The following DPCD variants were observed in gnomAD, a reference collection of about 807,000 sequenced individuals.
DPCD encodes the protein protein DPCD.
In DPCD, 20 loss-of-function variants were observed where a neutral mutation model predicts 26.4. The ratio of observed to expected loss-of-function variants is 0.76; its 90% CI spans 0.53 to 1.10. The LOEUF (loss-of-function observed/expected upper bound fraction) is 1.10, where lower values mean the gene tolerates loss of function less well. Among genes scored for constraint, DPCD ranks in the 50% least tolerant of loss-of-function variants. The pLI is 0.00. For missense variants in DPCD, 202 were observed against 253.9 expected (o/e 0.80, Z 1.39); for synonymous variants, 97 against 94.2 (o/e 1.03, Z -0.17).
intron 1 of DPCD, among the ~76,000 whole-genome samples, chr10:101,591,332 G>A (rs994597341): frequency 6.6e-6 from 1 of 152,182 alleles, no homozygotes; most frequent in East Asian, 1.9e-4. Context: ...TTTGGTCACA[G>A]AAGTTTTTAA....
At position 101,609,299 on chromosome 10, in the gene DPCD, C is replaced by T. The variant is rs140872988; in HGVS notation, c.508-68C>T. The T allele has an allele frequency of 6.0e-5, 91 of 1,524,442 alleles. No homozygotes were observed. In the African/African-American group the frequency reaches 1.1e-3, roughly 19 times the overall value. 94.4% of individuals were successfully genotyped at this position (1,524,442 alleles called of 1,614,324 possible). ...TAAGGGGATCAGAAGGAGAAGGGGC[C>T]CCAAGTGTGTGTGGAAGGAGATGGG... On this transcript the variant is annotated intron_variant, in intron 5 of 5. Transcript: ENST00000370151.
In DPCD at chr10:101,609,184, G is replaced by T; in HGVS notation, c.508-183G>T. ...GGAAGCGGTGGAAATTGCTGAACTT[G>T]GGTTCTTCTGGTCCAAGGTCTGCTC... is the stretch of plus-strand genomic sequence containing the variant. On this transcript the variant is annotated intron_variant, in intron 5 of 5. Transcript: ENST00000370151. 1.4e-5 allele frequency: 9 copies of T among 660,860 alleles called. No homozygotes were observed. In the South Asian group the frequency reaches 1.7e-4, roughly 13 times the overall value. 40.9% of individuals were successfully genotyped at this position (660,860 alleles called of 1,614,324 possible). A position where few individuals can be genotyped will look rare whatever the true frequency, so the allele number is the denominator to read the frequency against.
rs375865718 is a variant in DPCD, at chr10:101,600,866, C to A, written c.270+4C>A. ...CATCAAGGAAAGCAATGCCAATGTA[C>A]GTCCATCTGTCCAGGTGTCTTGCAC... On this transcript the variant is annotated splice_donor_region_variant and intron_variant, in intron 3 of 5. Transcript: ENST00000370151. The surrounding 1 kb of genome is among the most constrained non-coding windows in gnomAD (Gnocchi z 4.7). The A allele has an allele frequency of 6.2e-7, 1 of 1,613,936 alleles. No individual in the cohort carries two copies. The highest frequency in any genetic ancestry group is 8.5e-7 in the Non-Finnish European group (1 of 1,179,984).
chr10:101,608,964 A>G (rs1337699213), intron 5 of DPCD, 27 bp downstream of exon 5: 1 of 1,558,246 alleles, frequency 6.4e-7, no homozygotes, highest in South Asian at 1.1e-5. Context: ...CTTCTTGGAC[A>G]CTGCATCAGG....
At chr10:101,595,761 T>C (rs1432752794) in intron 2 of DPCD, among the ~76,000 whole-genome samples, 2 of 152,210 alleles carry the variant, frequency 1.3e-5, no homozygotes, top group African/African-American at 2.4e-5. Flanking sequence ...GTTGGTTTAG[T>C]CTGGTGCTAT....
intron 4 of DPCD, chr10:101,605,170 T>G: frequency 6.4e-7 from 1 of 1,550,552 alleles, no homozygotes. Context: ...TCTGGACCCC[T>G]CTGGCCATGC....
At chr10:101,592,152 T>C (rs1282933780) in intron 1 of DPCD, among the ~76,000 whole-genome samples, 1 of 152,120 alleles carries the variant, frequency 6.6e-6, no homozygotes, top group Non-Finnish European at 1.5e-5. Context: ...CGAATAATCA[T>C]TGGGTAAGGG....
chr10:101,601,125 C>T (rs2063694493), intron 3 of DPCD, 78 bp from the exon 4 acceptor site: 1 of 1,587,474 alleles, frequency 6.3e-7, no homozygotes, highest in Non-Finnish European at 8.6e-7. Context: ...TCTTGTTGTG[C>T]CCCGGGGTAG....
Position 101,608,840 on chromosome 10 carries a change from A to G in DPCD, c.410A>G (p.Tyr137Cys), listed in dbSNP as rs200230925. 8 of 1,612,952 alleles carry G rather than the reference A, an allele frequency of 5.0e-6. No homozygotes were observed. Among genetic ancestry groups the G allele is most frequent in the Non-Finnish European group, 6.8e-6 (8 of 1,179,374 alleles). ...GCCTCTCGGTGTCCCCACAGGTACT[A>G]CAAGAAGTTCTCCATTCCTGATCTA... ...IIVRTTNKKY[Y>C]KKFSIPDLDR... The change falls in exon 5 of 6, where the codon TAC becomes TGC. Residue 137 changes from tyrosine (Y) to cysteine (C), a missense_variant. Physicochemically the swap from Tyr to Cys is radical, Grantham distance 194 (BLOSUM62 -2). Around this residue, in one of 3 missense-constraint regions of DPCD, gnomAD observed 118 missense variants for 145.1 expected, o/e 0.81. Coordinates refer to ENST00000370151, the MANE Select transcript of DPCD (RefSeq NM_015448.3).
intron 2 of DPCD, among the ~76,000 whole-genome samples, chr10:101,595,901 G>A (rs1227472594): frequency 1.3e-5 from 2 of 152,166 alleles, no homozygotes; most frequent in African/African-American, 4.8e-5. Flanking sequence ...TAACAGGGGA[G>A]AACTTATGAA....
Position 101,600,862 on chromosome 10 carries a change from T to C in DPCD, c.270T>C (p.Asn90=), listed in dbSNP as rs779015795. The change falls in exon 3 of 6, where the codon AAT becomes AAC. Residue 90 remains asparagine (N), a splice_region_variant and synonymous_variant. Coordinates refer to ENST00000370151, the MANE Select transcript of DPCD (RefSeq NM_015448.3). This position sits in a 1 kb window ranked among gnomAD's most constrained non-coding sequence, Gnocchi z 4.7. ...GPELIKESNA[N]PIFMRKDTKM... ...AACTCATCAAGGAAAGCAATGCCAA[T>C]GTACGTCCATCTGTCCAGGTGTCTT... The C allele has an allele frequency of 3.1e-6, 5 of 1,613,822 alleles. No homozygotes were observed. The highest frequency in any genetic ancestry group is 3.4e-6 in the Non-Finnish European group (4 of 1,179,988).
At chr10:101,591,192 A>G (rs2063604455) in intron 1 of DPCD, among the ~76,000 whole-genome samples, 1 of 152,190 alleles carries the variant, frequency 6.6e-6, no homozygotes, top group African/African-American at 2.4e-5. Context: ...TTGTATGTCT[A>G]CACTGCATTC....
chr10:101,597,155 C>A (rs1288216792), intron 2 of DPCD, among the ~76,000 whole-genome samples: 2 of 152,148 alleles, frequency 1.3e-5, no homozygotes, highest in African/African-American at 4.8e-5. Context: ...GAAGGGCAGG[C>A]CATCCCCCAG....
In DPCD at chr10:101,607,504, T is replaced by C. The variant is rs372500793; in HGVS notation, c.405-1331T>C. Among the ~76,000 whole-genome samples, 7 of 152,260 alleles carry C rather than the reference T, an allele frequency of 4.6e-5. No individual in the cohort carries two copies. The South Asian group carries it at 8.3e-4, about 18-fold the overall frequency. On this transcript the variant is annotated intron_variant, in intron 4 of 5. Coordinates refer to ENST00000370151, the MANE Select transcript of DPCD (RefSeq NM_015448.3). ...TTTCCTGCCATGGGTCCCAGTACCTTGGTGGGGAGTGGGGAACCTGGGAGG... is the reference window on the plus strand; with the variant it reads ...TTTCCTGCCATGGGTCCCAGTACCTCGGTGGGGAGTGGGGAACCTGGGAGG...
chr10:101,600,949 T>C lies in DPCD; in HGVS notation c.270+87T>C. ...GCTCTTGAGGGCAGGGACCATGTCTTGTTCACCTCCTCGCCTCCAGTGTGC... is the reference window on the plus strand; with the variant it reads ...GCTCTTGAGGGCAGGGACCATGTCTCGTTCACCTCCTCGCCTCCAGTGTGC... On this transcript the variant is annotated intron_variant, in intron 3 of 5. Transcript: ENST00000370151. This position sits in a 1 kb window ranked among gnomAD's most constrained non-coding sequence, Gnocchi z 4.7. 1.3e-6 allele frequency: 2 copies of C among 1,591,698 alleles called. No individual in the cohort carries two copies. Among genetic ancestry groups the C allele is most frequent in the Non-Finnish European group, 1.7e-6 (2 of 1,172,430 alleles).
intron 1 of DPCD, among the ~76,000 whole-genome samples, chr10:101,591,539 TC>T (rs1235061286): frequency 6.6e-6 from 1 of 152,168 alleles, no homozygotes; most frequent in Non-Finnish European, 1.5e-5. Flanking sequence ...GTTACTCCCT[TC>T]CACCAAGAAT....
intron 1 of DPCD, among the ~76,000 whole-genome samples, chr10:101,592,616 G>T (rs1251438658): frequency 6.6e-6 from 1 of 151,942 alleles, no homozygotes; most frequent in Non-Finnish European, 1.5e-5. Context: ...AGCTACTCGG[G>T]AGTCTGAGGT....
chr10:101,600,337 A>G lies in DPCD; in HGVS notation c.146-401A>G, dbSNP rs1240569327. ...TTTTCCTCTGCATGTTTTTGAGGGA[A>G]AAAGTGTGCTTCAACTCCTTTTTGG... On this transcript the variant is annotated intron_variant, in intron 2 of 5. Coordinates refer to ENST00000370151, the MANE Select transcript of DPCD (RefSeq NM_015448.3). This position sits in a 1 kb window ranked among gnomAD's most constrained non-coding sequence, Gnocchi z 4.7. Among the ~76,000 whole-genome samples the G allele has an allele frequency of 1.3e-5, 2 of 152,158 alleles. No individual in the cohort carries two copies. The highest frequency in any genetic ancestry group is 1.5e-5 in the Non-Finnish European group (1 of 68,032).
At chr10:101,602,306 G>A (rs750297924) in intron 4 of DPCD, among the ~76,000 whole-genome samples, 3 of 152,220 alleles carry the variant, frequency 2.0e-5, no homozygotes, top group Non-Finnish European at 4.4e-5. Flanking sequence ...TGTGGTGCCA[G>A]TCTCCCCTTC....
Sources: gnomAD v4.1 joint callset for allele counts (sites outside exome capture counted in the v4.1 genomes callset) on GRCh38, gnomAD v4.1.1 for gene constraint, gnomAD v4.1.1 regional missense constraint, Gnocchi (gnomAD v3.1) non-coding constraint, MANE v1.5 for transcripts, NCBI Gene and HGNC (gene_info 2026-07-23, HGNC 2026-07-21) for gene names.